CHCHD6: variants seen among roughly 807,000 people sequenced by gnomAD.
CHCHD6 encodes the protein MICOS complex subunit MIC25.
Under a neutral mutation model 32.3 loss-of-function variants are expected in CHCHD6, and 28 were observed. That is an observed-to-expected ratio of 0.87 (90% CI 0.64 to 1.19). The LOEUF is 1.19. Among genes scored for constraint, CHCHD6 ranks in the 50% most tolerant of loss-of-function variants. CHCHD6 has a pLI of 0.00. For missense variants in CHCHD6, 333 were observed against 307.0 expected, an observed-to-expected ratio of 1.08 and a Z score of -0.63; for synonymous variants, 122 against 117.5, an observed-to-expected ratio of 1.04 and a Z score of -0.25.
intron 4 of CHCHD6, among the ~76,000 whole-genome samples, chr3:126,733,650 C>A (rs1264023145): frequency 6.6e-6 from 1 of 152,140 alleles, no homozygotes; most frequent in Non-Finnish European, 1.5e-5. Flanking sequence ...GGGTGCAAAT[C>A]CTGGACACCC....
chr3:126,928,979 C>T (rs1416181087), intron 6 of CHCHD6, among the ~76,000 whole-genome samples: 1 of 152,226 alleles, frequency 6.6e-6, no homozygotes, highest in Non-Finnish European at 1.5e-5. Context: ...CTCTGTATAG[C>T]CCTGGCTGTT....
chr3:126,786,069 C>T (rs1938192886), intron 4 of CHCHD6, among the ~76,000 whole-genome samples: 1 of 152,148 alleles, frequency 6.6e-6, no homozygotes. Flanking sequence ...TGAGTGAGAA[C>T]ATGCGGTGTT....
intron 5 of CHCHD6, among the ~76,000 whole-genome samples, chr3:126,873,871 T>G (rs2077507928): frequency 6.6e-6 from 1 of 152,228 alleles, no homozygotes; most frequent in African/African-American, 2.4e-5. Flanking sequence ...GTATGTAGCT[T>G]GCTCAAGGCC....
At chr3:126,956,034 G>A (rs2078778931) in intron 6 of CHCHD6, among the ~76,000 whole-genome samples, 1 of 152,194 alleles carries the variant, frequency 6.6e-6, no homozygotes, top group Non-Finnish European at 1.5e-5. Context: ...CTGTTCCCAA[G>A]CTGTCGAGCA....
chr3:126,860,277 T>C (rs1444894104), intron 5 of CHCHD6, among the ~76,000 whole-genome samples: 2 of 152,194 alleles, frequency 1.3e-5, no homozygotes, highest in African/African-American at 2.4e-5. Flanking sequence ...TCCACCGTCA[T>C]GGGGAGCACT....
chr3:126,715,134 A>G (rs1934949493), intron 1 of CHCHD6, among the ~76,000 whole-genome samples: 1 of 152,136 alleles, frequency 6.6e-6, no homozygotes, highest in South Asian at 2.1e-4. Context: ...TGGGAACTGC[A>G]AATCATTCTA....
At chr3:126,872,912 A>C (rs1454506704) in intron 5 of CHCHD6, among the ~76,000 whole-genome samples, 1 of 152,198 alleles carries the variant, frequency 6.6e-6, no homozygotes, top group African/African-American at 2.4e-5. Context: ...GCCTAAGGCA[A>C]GTTGTGCTTA....
chr3:126,709,402 A>G (rs899119473), intron 1 of CHCHD6, among the ~76,000 whole-genome samples: 35 of 152,064 alleles, frequency 2.3e-4, no homozygotes, highest in African/African-American at 8.0e-4. Flanking sequence ...AATTTTTTCT[A>G]CTTCTTGGTT....
chr3:126,766,240 G>A (rs913961741), intron 4 of CHCHD6, among the ~76,000 whole-genome samples: 2 of 152,130 alleles, frequency 1.3e-5, no homozygotes, highest in African/African-American at 4.8e-5. Flanking sequence ...GGAAAAAAAC[G>A]TACTTTGGAA....
At chr3:126,719,325 C>T (rs996503322) in intron 1 of CHCHD6, among the ~76,000 whole-genome samples, 2 of 152,214 alleles carry the variant, frequency 1.3e-5, no homozygotes, top group Admixed American at 6.5e-5. Flanking sequence ...CATCGCTGGG[C>T]GGGCGTCTTA....
chr3:126,922,622 CGTGTGTGT>C (rs10544737), intron 6 of CHCHD6, among the ~76,000 whole-genome samples: 17 of 147,844 alleles, frequency 1.1e-4, no homozygotes, highest in South Asian at 1.1e-3. Flanking sequence ...CAGCCCACCA[CGTGTGTGT>C]GTGTGTGTGT....
At chr3:126,890,002 A>G (rs113555914) in intron 5 of CHCHD6, among the ~76,000 whole-genome samples, 6 of 152,198 alleles carry the variant, frequency 3.9e-5, no homozygotes. Flanking sequence ...TCCAGGCCTG[A>G]GGCTGACCAC....
intron 6 of CHCHD6, among the ~76,000 whole-genome samples, chr3:126,930,631 G>T (rs1334684278): frequency 6.6e-6 from 1 of 152,196 alleles, no homozygotes; most frequent in Non-Finnish European, 1.5e-5. Flanking sequence ...CCTCTCACTT[G>T]TTGTGTGGAG....
chr3:126,798,449 T>C (rs1484592120), intron 4 of CHCHD6, among the ~76,000 whole-genome samples: 1 of 152,244 alleles, frequency 6.6e-6, no homozygotes, highest in African/African-American at 2.4e-5. Context: ...GCTTTCAGGA[T>C]GGGCCACAGT....
At chr3:126,775,413 G>A (rs975725771) in intron 4 of CHCHD6, among the ~76,000 whole-genome samples, 3 of 152,080 alleles carry the variant, frequency 2.0e-5, no homozygotes, top group Non-Finnish European at 4.4e-5. Flanking sequence ...TTCATGTCCC[G>A]AGAGAGAATT....
intron 6 of CHCHD6, among the ~76,000 whole-genome samples, chr3:126,927,933 C>G (rs1190654548): frequency 1.3e-5 from 2 of 152,244 alleles, no homozygotes; most frequent in Non-Finnish European, 2.9e-5. Flanking sequence ...TCATCACAGA[C>G]AGGGCCTTTC....
intron 4 of CHCHD6, among the ~76,000 whole-genome samples, chr3:126,818,607 G>C (rs1443422206): frequency 6.6e-6 from 1 of 152,216 alleles, no homozygotes; most frequent in African/African-American, 2.4e-5. Context: ...CATTTCTCCA[G>C]TTAAGAAGAT....
intron 3 of CHCHD6, among the ~76,000 whole-genome samples, chr3:126,732,277 C>A (rs760846338): frequency 6.6e-6 from 1 of 152,096 alleles, no homozygotes; most frequent in Non-Finnish European, 1.5e-5. Flanking sequence ...ATTTCATGTT[C>A]TTCTCCACCC....
chr3:126,737,439 C>T (rs967020662), intron 4 of CHCHD6, among the ~76,000 whole-genome samples: 1 of 148,718 alleles, frequency 6.7e-6, no homozygotes, highest in African/African-American at 2.5e-5. Flanking sequence ...TGCACACACA[C>T]ATACTCTGTA....
Sources: allele counts gnomAD v4.1 joint callset (sites outside exome capture counted in the v4.1 genomes callset), GRCh38; gene constraint gnomAD v4.1.1; transcripts MANE v1.5; gene names NCBI Gene and HGNC (gene_info 2026-07-23, HGNC 2026-07-21).